Variants in NLRP1 observed in about 807,000 individuals in gnomAD.
The protein encoded by NLRP1 is NLR family pyrin domain containing 1.
NLRP1 carries 94 observed loss-of-function variants against 136.7 expected under a neutral mutation model. The observed-to-expected ratio is 0.69, with a 90% CI of 0.58 to 0.82. NLRP1 has a LOEUF of 0.82. Among genes scored for constraint, NLRP1 ranks in the 40% least tolerant of loss-of-function variants. NLRP1 has a pLI of 0.00. For synonymous variants in NLRP1, 690 were observed against 725.1 expected, an observed-to-expected ratio of 0.95 and a Z score of 0.78; for missense variants, 1,575 against 1,802.7, an observed-to-expected ratio of 0.87 and a Z score of 2.29.
At chr17:5,562,086 G>T (rs907310884) in intron 3 of NLRP1, among the ~76,000 whole-genome samples, 4 of 152,314 alleles carry the variant, frequency 2.6e-5, no homozygotes, top group Middle Eastern at 3.4e-3. Context: ...ACACCCAGAT[G>T]GCAGGGTGGG....
chr17:5,510,547 C>G (rs1471372160), downstream of NLRP1, among the ~76,000 whole-genome samples: 1 of 150,656 alleles, frequency 6.6e-6, no homozygotes, highest in African/African-American at 2.5e-5. Flanking sequence ...TTTGTAGAGA[C>G]AGAGTTTCAC....
chr17:5,525,710 G>T (rs1298135775), intron 12 of NLRP1, among the ~76,000 whole-genome samples: 1 of 152,236 alleles, frequency 6.6e-6, no homozygotes, highest in Non-Finnish European at 1.5e-5. Context: ...CCAACTGTGG[G>T]ACTCTGAGCA....
In NLRP1 at chr17:5,530,714, A is replaced by C; in HGVS notation, c.3297-10T>G. 1 of 1,608,354 alleles carries C rather than the reference A, an allele frequency of 6.2e-7. No individual in the cohort carries two copies. Among genetic ancestry groups the C allele is most frequent in the African/African-American group, 1.3e-5 (1 of 74,948 alleles). On this transcript the variant is annotated splice_polypyrimidine_tract_variant and intron_variant, in intron 11 of 16. Transcript: ENST00000572272. ...TACAGGGAAGTGAACTCTGGGAAGA[A>C]GAGGGAGAGGCAGACACTTACTGCA...
chr17:5,541,821 T>C lies in NLRP1; in HGVS notation c.2699+36A>G. ...TGCCTGCCTCATGGTGGCAGGCAGTTCCCTCCACCTCCCCCTGCCCACCAA... is the reference window on the plus strand; with the variant it reads ...TGCCTGCCTCATGGTGGCAGGCAGTCCCCTCCACCTCCCCCTGCCCACCAA... On this transcript the variant is annotated intron_variant, in intron 6 of 16. Coordinates refer to ENST00000572272, the MANE Select transcript of NLRP1 (RefSeq NM_033004.4). The surrounding 1 kb of genome is among the most constrained non-coding windows in gnomAD (Gnocchi z 4.2). 6.2e-7 allele frequency: 1 copy of C among 1,606,678 alleles called. No homozygotes were observed. The highest frequency in any genetic ancestry group is 2.2e-5 in the East Asian group (1 of 44,816).
At chr17:5,563,590 C>G (rs1298958750) in intron 3 of NLRP1, among the ~76,000 whole-genome samples, 2 of 152,126 alleles carry the variant, frequency 1.3e-5, no homozygotes, top group African/African-American at 2.4e-5. Context: ...AGAATGAAAA[C>G]AAATGAACAA....
intron 3 of NLRP1, among the ~76,000 whole-genome samples, chr17:5,577,079 C>T (rs1391763329): frequency 6.6e-6 from 1 of 152,148 alleles, no homozygotes; most frequent in East Asian, 1.9e-4. Flanking sequence ...ATGCTAAAAA[C>T]CCTCAATAAA....
At chr17:5,511,783 T>C (rs1907652580), downstream of NLRP1, among the ~76,000 whole-genome samples, 1 of 150,512 alleles carries the variant, frequency 6.6e-6, no homozygotes. Flanking sequence ...CTTTCTTCTT[T>C]CTTTCTCTTT....
chr17:5,535,218 T>TC (rs146288075), intron 8 of NLRP1, among the ~76,000 whole-genome samples: 6,852 of 149,902 alleles, frequency 0.046, 172 homozygotes, highest in Middle Eastern at 0.086. Flanking sequence ...AGACTCTGTC[T>TC]CAAAAAAAAA....
chr17:5,568,849 G>A (rs1915587197), intron 3 of NLRP1, among the ~76,000 whole-genome samples: 1 of 152,048 alleles, frequency 6.6e-6, no homozygotes, highest in Non-Finnish European at 1.5e-5. Flanking sequence ...AATTATCTAG[G>A]TTACCAGGCA....
chr17:5,501,900 GATTT>G (rs1355540805), intron 15 of NLRP1: 3 of 1,605,376 alleles, frequency 1.9e-6, no homozygotes, highest in Admixed American at 3.3e-5. Context: ...CAATCACTTG[GATTT>G]ATTTGAGTCC....
chr17:5,521,856 C>T, intron 12 of NLRP1, 70 bp from the exon 13 acceptor site: 4 of 1,441,688 alleles, frequency 2.8e-6, no homozygotes, highest in Non-Finnish European at 3.7e-6. Flanking sequence ...CAGAGTTTCG[C>T]TCTTGTCGCC....
At chr17:5,564,126 T>G (rs993623924) in intron 3 of NLRP1, among the ~76,000 whole-genome samples, 4 of 152,192 alleles carry the variant, frequency 2.6e-5, no homozygotes, top group Non-Finnish European at 5.9e-5. Context: ...TTGATACAAG[T>G]AAGCACTGTA....
chr17:5,552,461 T>C (rs193021647), intron 5 of NLRP1, among the ~76,000 whole-genome samples: 2 of 152,294 alleles, frequency 1.3e-5, no homozygotes, highest in East Asian at 1.9e-4. Context: ...GCAGGTCCAG[T>C]TGGATACCTT....
At chr17:5,579,956 G>A (rs942794350) in intron 3 of NLRP1, among the ~76,000 whole-genome samples, 10 of 152,114 alleles carry the variant, frequency 6.6e-5, no homozygotes, top group Non-Finnish European at 1.0e-4. Context: ...CTACCGGGCC[G>A]GGCGCGGTGG....
In NLRP1 at chr17:5,559,052, TGTG is replaced by T; in HGVS notation, c.1641_1643del (p.Thr549del). On this transcript the variant is annotated inframe_deletion, in exon 4 of 17. Transcript: ENST00000572272. The stretch of plus-strand genomic sequence containing the variant: ...GGGCAAGGTAATGTAGACAGAGGGT[TGTG>T]GTGGTCTTGGAAGTCAGTGTGAGTT... 1 of 1,614,080 alleles carries T rather than the reference TGTG, an allele frequency of 6.2e-7. No homozygotes were observed. The highest frequency in any genetic ancestry group is 1.3e-5 in the African/African-American group (1 of 75,028).
chr17:5,512,945 C>T (rs1022243552), downstream of NLRP1, among the ~76,000 whole-genome samples: 1 of 152,176 alleles, frequency 6.6e-6, no homozygotes, highest in African/African-American at 2.4e-5. Context: ...TCCTGCCCAC[C>T]TCCTGTGTCA....
At chr17:5,538,335 A>C (rs935246887) in intron 7 of NLRP1, among the ~76,000 whole-genome samples, 10 of 147,742 alleles carry the variant, frequency 6.8e-5, no homozygotes. Context: ...CTGGGGGCTC[A>C]CTCCACTCAG....
chr17:5,502,066 C>T (rs1262324639), intron 15 of NLRP1: 4 of 563,582 alleles, frequency 7.1e-6, no homozygotes, highest in Non-Finnish European at 1.3e-5. Flanking sequence ...GGTGCTGTTC[C>T]TCTCTATCCT....
chr17:5,520,722 T>C lies in NLRP1; in HGVS notation c.3915+159A>G, dbSNP rs12937224. Among the ~76,000 whole-genome samples, 71,363 of 151,980 alleles carry C rather than the reference T, an allele frequency of 0.47. 16,946 individuals carry two copies. Among genetic ancestry groups the C allele is most frequent in the African/African-American group, 0.5 (20,928 of 41,450 alleles). ...TCCCTCCTCCGAACTTTCTTTCTCC[T>C]AGTCTTGGAAGCATTCCCACTTTCT... On this transcript the variant is annotated intron_variant, in intron 14 of 16. Coordinates refer to ENST00000572272, the MANE Select transcript of NLRP1 (RefSeq NM_033004.4).
Sources: gnomAD v4.1 joint callset for allele counts (sites outside exome capture counted in the v4.1 genomes callset) on GRCh38, gnomAD v4.1.1 for gene constraint, Gnocchi (gnomAD v3.1) non-coding constraint, MANE v1.5 for transcripts, NCBI Gene and HGNC (gene_info 2026-07-23, HGNC 2026-07-21) for gene names.